Variants in ABTB2 observed in about 807,000 individuals in gnomAD.
ABTB2 encodes the protein ankyrin repeat and BTB domain containing 2.
A neutral mutation model predicts 104.1 loss-of-function variants in ABTB2; 56 were observed. That is an observed-to-expected ratio of 0.54 (90% CI 0.43 to 0.67). The LOEUF is 0.67. Among genes scored for constraint, ABTB2 ranks in the 30% least tolerant of loss-of-function variants. The probability of loss-of-function intolerance (pLI) is 0.00; values close to 1 mark genes in which losing one functional copy is unlikely to be tolerated. For synonymous variants in ABTB2, 606 were observed against 608.2 expected, an observed-to-expected ratio of 1.00 and a Z score of 0.05; for missense variants, 1,279 against 1,407.7, an observed-to-expected ratio of 0.91 and a Z score of 1.46.
intron 5 of ABTB2, among the ~76,000 whole-genome samples, chr11:34,169,637 G>A (rs1007473302): frequency 6.6e-6 from 1 of 152,120 alleles, no homozygotes; most frequent in Admixed American, 6.6e-5. Context: ...CAAAGCCCGG[G>A]AACCTGTGTG....
intron 1 of ABTB2, among the ~76,000 whole-genome samples, chr11:34,249,526 G>T (rs554435840): frequency 6.6e-6 from 1 of 150,520 alleles, no homozygotes; most frequent in South Asian, 2.1e-4. Flanking sequence ...TTTACAAGAG[G>T]GCAGGCCTCC....
At chr11:34,160,170 G>A in intron 12 of ABTB2, 78 bp downstream of exon 12, 2 of 1,399,336 alleles carry the variant, frequency 1.4e-6, no homozygotes, top group South Asian at 2.4e-5. Flanking sequence ...GGAGAAAGAT[G>A]ACAAAGTGGG....
At chr11:34,235,609 C>T (rs1193689919) in intron 1 of ABTB2, among the ~76,000 whole-genome samples, 1 of 152,106 alleles carries the variant, frequency 6.6e-6, no homozygotes, top group Non-Finnish European at 1.5e-5. Flanking sequence ...GGAATTGGTG[C>T]CTGTGATCCC....
At chr11:34,196,608 C>T (rs1853259670) in intron 3 of ABTB2, among the ~76,000 whole-genome samples, 1 of 152,200 alleles carries the variant, frequency 6.6e-6, no homozygotes, top group Admixed American at 6.5e-5. Context: ...ACGTGCATCC[C>T]CTACTCATGC....
At chr11:34,321,333 A>C (rs1211775324) in intron 1 of ABTB2, among the ~76,000 whole-genome samples, 1 of 152,244 alleles carries the variant, frequency 6.6e-6, no homozygotes, top group African/African-American at 2.4e-5. Context: ...ATTCAATTGA[A>C]GTTCAACAGG....
chr11:34,295,944 C>A (rs1259295372), intron 1 of ABTB2, among the ~76,000 whole-genome samples: 6 of 152,190 alleles, frequency 3.9e-5, no homozygotes, highest in Non-Finnish European at 5.9e-5. Context: ...GTGATATAAG[C>A]ATTCAGTCCA....
At chr11:34,349,592 A>G (rs187574479) in intron 1 of ABTB2, among the ~76,000 whole-genome samples, 3 of 152,368 alleles carry the variant, frequency 2.0e-5, no homozygotes, top group East Asian at 3.9e-4. Context: ...TGTGTCAGGC[A>G]TAACACAAAG....
intron 1 of ABTB2, among the ~76,000 whole-genome samples, chr11:34,324,622 G>A (rs1855045841): frequency 6.6e-6 from 1 of 152,188 alleles, no homozygotes; most frequent in East Asian, 1.9e-4. Flanking sequence ...CAGTAATGCT[G>A]CCAGACCACT....
chr11:34,181,409 C>T (rs1302760982), intron 3 of ABTB2, among the ~76,000 whole-genome samples: 1 of 152,140 alleles, frequency 6.6e-6, no homozygotes, highest in East Asian at 1.9e-4. Flanking sequence ...GGCAGGGACC[C>T]CAGAGTGAGT....
At chr11:34,304,703 G>T (rs553336159) in intron 1 of ABTB2, among the ~76,000 whole-genome samples, 8 of 151,938 alleles carry the variant, frequency 5.3e-5, no homozygotes, top group African/African-American at 1.9e-4. Flanking sequence ...AAATGGAGGG[G>T]AAGGGAGGGG....
chr11:34,276,971 A>G (rs2755160), intron 1 of ABTB2, among the ~76,000 whole-genome samples: 127,015 of 152,146 alleles, frequency 0.83, 53,401 homozygotes, highest in African/African-American at 0.91. Context: ...GTGTGATCCC[A>G]GCTTACTGCA....
chr11:34,325,326 A>G (rs1166480092), intron 1 of ABTB2, among the ~76,000 whole-genome samples: 8 of 152,202 alleles, frequency 5.3e-5, no homozygotes, highest in Non-Finnish European at 1.2e-4. Context: ...AACCAGTGCT[A>G]TACCTTCCAG....
At chr11:34,309,259 T>C (rs1206064433) in intron 1 of ABTB2, among the ~76,000 whole-genome samples, 1 of 152,200 alleles carries the variant, frequency 6.6e-6, no homozygotes, top group African/African-American at 2.4e-5. Context: ...TTCCCATGCA[T>C]TGGGTGGGCA....
At chr11:34,167,766 G>T in intron 6 of ABTB2, 137 bp downstream of exon 6, 1 of 918,164 alleles carries the variant, frequency 1.1e-6, no homozygotes, top group Non-Finnish European at 1.7e-6. Flanking sequence ...AGTGGCCTCT[G>T]TGCATCTTGT....
intron 1 of ABTB2, among the ~76,000 whole-genome samples, chr11:34,315,164 G>C (rs6484705): frequency 0.056 from 8,470 of 152,304 alleles, 804 homozygotes; most frequent in African/African-American, 0.19. Context: ...CGCAGACACT[G>C]TCTGTGGAAA....
chr11:34,157,253 G>A (rs1852640982), intron 14 of ABTB2, among the ~76,000 whole-genome samples: 1 of 152,228 alleles, frequency 6.6e-6, no homozygotes, highest in South Asian at 2.1e-4. Flanking sequence ...GACCCACGGG[G>A]CAAGGCCAGT....
chr11:34,332,556 G>C (rs1052039907), intron 1 of ABTB2, among the ~76,000 whole-genome samples: 21 of 152,034 alleles, frequency 1.4e-4, no homozygotes, highest in African/African-American at 5.1e-4. Flanking sequence ...GTTTTTTGAG[G>C]AGGAGCTAGA....
chr11:34,205,799 G>A (rs1056513486), intron 1 of ABTB2, among the ~76,000 whole-genome samples: 4 of 152,124 alleles, frequency 2.6e-5, no homozygotes, highest in African/African-American at 9.7e-5. Context: ...GCAGAATGTT[G>A]GGGTTCGTAA....
At chr11:34,279,745 C>T (rs950289455) in intron 1 of ABTB2, among the ~76,000 whole-genome samples, 3 of 151,852 alleles carry the variant, frequency 2.0e-5, no homozygotes, top group East Asian at 3.9e-4. Flanking sequence ...ATAACTTTTA[C>T]AGCCAGTGAC....
Sources: allele counts gnomAD v4.1 joint callset (sites outside exome capture counted in the v4.1 genomes callset), GRCh38; gene constraint gnomAD v4.1.1; transcripts MANE v1.5; gene names NCBI Gene and HGNC (gene_info 2026-07-23, HGNC 2026-07-21).